The following RNF20 variants were observed in gnomAD, a reference collection of about 807,000 sequenced individuals.
RNF20 encodes the protein E3 ubiquitin-protein ligase BRE1A.
In RNF20, 84 loss-of-function variants were observed where a neutral mutation model predicts 126.2. The observed-to-expected ratio is 0.67, with a 90% CI of 0.56 to 0.80. RNF20 has a LOEUF of 0.80. Among genes scored for constraint, RNF20 ranks in the 30% least tolerant of loss-of-function variants. RNF20 has a pLI of 0.00. For missense variants in RNF20, 869 were observed against 1,188.2 expected (o/e 0.73, Z 3.95); for synonymous variants, 400 against 414.3 (o/e 0.97, Z 0.42).
chr9:101,543,540 G>A (rs1210190501), intron 5 of RNF20, among the ~76,000 whole-genome samples: 1 of 148,866 alleles, frequency 6.7e-6, no homozygotes, highest in East Asian at 2.0e-4. Context: ...CTGCCAGAGC[G>A]GAACTGTCTA....
intron 5 of RNF20, among the ~76,000 whole-genome samples, chr9:101,542,253 T>G (rs1827271819): frequency 6.6e-6 from 1 of 152,250 alleles, no homozygotes; most frequent in Non-Finnish European, 1.5e-5. Context: ...TATGCATTTC[T>G]GTATTTTATT....
At chr9:101,542,916 A>T (rs1270857468) in intron 5 of RNF20, among the ~76,000 whole-genome samples, 1 of 152,232 alleles carries the variant, frequency 6.6e-6, no homozygotes, top group Non-Finnish European at 1.5e-5. Context: ...TAAGAGATAA[A>T]GATGTATAAA....
Position 101,562,510 on chromosome 9 carries a change from C to A in RNF20, c.*88C>A. ...CTACCTCTTCTCTCCTTGACTGTCA[C>A]CTGTAGGACAGTTTATCAGTCAACT... On this transcript the variant is annotated 3_prime_UTR_variant, in exon 20 of 20. Transcript: ENST00000389120. 1 of 1,262,800 alleles carries A rather than the reference C, an allele frequency of 7.9e-7. No homozygotes were observed. Among genetic ancestry groups the A allele is most frequent in the East Asian group, 2.5e-5 (1 of 39,220 alleles). The allele number at this position is 1,262,800 out of a possible 1,614,324, so 78.2% of individuals were successfully genotyped here. A position where few individuals can be genotyped will look rare whatever the true frequency, so the allele number is the denominator to read the frequency against.
At chr9:101,551,613 A>C in intron 10 of RNF20, 71 bp from the exon 11 acceptor site, 1 of 1,360,898 alleles carries the variant, frequency 7.3e-7, no homozygotes, top group Non-Finnish European at 9.9e-7. Flanking sequence ...TTTCAGAGTA[A>C]TCCATAGAAT....
At chr9:101,543,484 G>GC (rs1827292679) in intron 5 of RNF20, among the ~76,000 whole-genome samples, 2 of 143,372 alleles carry the variant, frequency 1.4e-5, no homozygotes, top group African/African-American at 5.2e-5. Context: ...GTCTAACCCT[G>GC]CCAGGGTGGC....
chr9:101,547,100 A>G, intron 7 of RNF20, 37 bp from the exon 8 acceptor site: 1 of 1,608,812 alleles, frequency 6.2e-7, no homozygotes, highest in Non-Finnish European at 8.5e-7. Context: ...TGAAATCTTA[A>G]GAGTCTCTCA....
chr9:101,544,231 CT>C (rs1423068041), intron 5 of RNF20, among the ~76,000 whole-genome samples: 2 of 152,146 alleles, frequency 1.3e-5, no homozygotes, highest in African/African-American at 4.8e-5. Context: ...AGAAGTGCCC[CT>C]AACATAGTAT....
At chr9:101,544,006 A>G (rs962618917) in intron 5 of RNF20, among the ~76,000 whole-genome samples, 2 of 152,174 alleles carry the variant, frequency 1.3e-5, no homozygotes, top group Non-Finnish European at 2.9e-5. Flanking sequence ...GAGTAATGCC[A>G]AGAGGTGATA....
At chr9:101,557,122 T>C (rs1209229749) in intron 15 of RNF20, among the ~76,000 whole-genome samples, 1 of 152,190 alleles carries the variant, frequency 6.6e-6, no homozygotes, top group Non-Finnish European at 1.5e-5. Context: ...GATCCGTTTG[T>C]CTAGATTAAG....
chr9:101,557,760 A>G (rs1281246805), intron 16 of RNF20, among the ~76,000 whole-genome samples, 164 bp downstream of exon 16: 1 of 152,214 alleles, frequency 6.6e-6, no homozygotes, highest in South Asian at 2.1e-4. Flanking sequence ...ATACATCTCT[A>G]CTGTTATTCC....
chr9:101,544,939 G>T, intron 6 of RNF20, 54 bp downstream of exon 6: 1 of 1,106,150 alleles, frequency 9.0e-7, no homozygotes, highest in South Asian at 1.2e-5. Flanking sequence ...GGCAGATGTT[G>T]ACTTACAATT....
chr9:101,562,194 T>C, intron 19 of RNF20, 52 bp from the exon 20 acceptor site: 2 of 1,572,926 alleles, frequency 1.3e-6, no homozygotes, highest in Non-Finnish European at 1.7e-6. Flanking sequence ...TGAGAGCCAT[T>C]TGGATCATAA....
chr9:101,537,971 T>C (rs1365643618), intron 2 of RNF20, among the ~76,000 whole-genome samples: 1 of 152,182 alleles, frequency 6.6e-6, no homozygotes, highest in Non-Finnish European at 1.5e-5. Flanking sequence ...GGAGTATCGC[T>C]GTAAAGTAGA....
intron 5 of RNF20, among the ~76,000 whole-genome samples, chr9:101,543,491 T>C (rs182423157): frequency 2.6e-4 from 34 of 129,608 alleles, no homozygotes; most frequent in South Asian, 4.9e-4. Context: ...CCTGCCAGGG[T>C]GGCACTGTCT....
At chr9:101,537,021 C>T (rs540097948) in intron 2 of RNF20, among the ~76,000 whole-genome samples, 65 of 152,350 alleles carry the variant, frequency 4.3e-4, no homozygotes, top group Non-Finnish European at 7.3e-4. Context: ...CCATTGAAAG[C>T]AGTCCCTCCT....
chr9:101,560,680 A>G, intron 16 of RNF20, 121 bp from the exon 17 acceptor site: 1 of 947,066 alleles, frequency 1.1e-6, no homozygotes, highest in Non-Finnish European at 1.5e-6. Flanking sequence ...TCATGGGCAA[A>G]ATCAGTAATA....
At chr9:101,537,027 C>T (rs1827196070) in intron 2 of RNF20, among the ~76,000 whole-genome samples, 1 of 152,214 alleles carries the variant, frequency 6.6e-6, no homozygotes, top group African/African-American at 2.4e-5. Context: ...AAAGCAGTCC[C>T]TCCTGTGCAT....
chr9:101,534,315 C>T (rs558651768), intron 1 of RNF20: 1 of 152,014 alleles, frequency 6.6e-6, no homozygotes, highest in African/African-American at 2.4e-5. Flanking sequence ...GCAGGGCAGA[C>T]GAAAAATATA....
chr9:101,541,250 T>C (rs1827256218), intron 5 of RNF20, among the ~76,000 whole-genome samples: 1 of 152,156 alleles, frequency 6.6e-6, no homozygotes, highest in Admixed American at 6.5e-5. Context: ...TTTAACCTTT[T>C]TGTAGAGAGG....
Sources: gnomAD v4.1 joint callset for allele counts (sites outside exome capture counted in the v4.1 genomes callset) on GRCh38, gnomAD v4.1.1 for gene constraint, MANE v1.5 for transcripts, NCBI Gene and HGNC (gene_info 2026-07-23, HGNC 2026-07-21) for gene names.